The following CAMK4 variants were observed in gnomAD, a reference collection of about 807,000 sequenced individuals.
CAMK4 encodes calcium/calmodulin-dependent protein kinase type IV.
CAMK4 carries 22 observed loss-of-function variants against 44.9 expected under a neutral mutation model. That is an observed-to-expected ratio of 0.49 (90% confidence interval 0.35 to 0.70). CAMK4 has a LOEUF of 0.70. Among genes scored for constraint, CAMK4 ranks in the 30% least tolerant of loss-of-function variants. CAMK4 has a pLI of 0.01. For missense variants in CAMK4, 498 were observed against 586.8 expected, an observed-to-expected ratio of 0.85 and a Z score of 1.56; for synonymous variants, 218 against 215.4, an observed-to-expected ratio of 1.01 and a Z score of -0.11.
At chr5:111,413,408 C>G (rs1039903296) in intron 5 of CAMK4, among the ~76,000 whole-genome samples, 1 of 151,830 alleles carries the variant, frequency 6.6e-6, no homozygotes, top group South Asian at 2.1e-4. Context: ...GAAACCCTGT[C>G]TCTACTAAAA....
At chr5:111,446,838 T>C in intron 6 of CAMK4, 62 bp downstream of exon 6, 1 of 991,010 alleles carries the variant, frequency 1.0e-6, no homozygotes, top group South Asian at 1.3e-5. Context: ...TTTTACTGTG[T>C]GGAATTTTTA....
chr5:111,394,813 T>G, intron 5 of CAMK4, 31 bp downstream of exon 5: 1 of 1,312,142 alleles, frequency 7.6e-7, no homozygotes, highest in Non-Finnish European at 1.1e-6. Flanking sequence ...ATGGTGTAAC[T>G]CTTAGTCATC....
chr5:111,488,994 T>C lies in CAMK4; in HGVS notation c.*4528T>C, dbSNP rs181102149. The C allele has an allele frequency of 6.6e-6, 1 of 152,346 alleles. No individual in the cohort carries two copies. The highest frequency in any genetic ancestry group is 2.4e-5 in the African/African-American group (1 of 41,584). The allele number at this position is 152,346 out of a possible 1,614,324, so 9.4% of individuals were successfully genotyped here. On this transcript the variant is annotated 3_prime_UTR_variant, in exon 11 of 11. Coordinates refer to ENST00000282356, the MANE Select transcript of CAMK4 (RefSeq NM_001744.6). ...ATTAGTCCATATTCTGATTTCCTTA[T>C]GTTCATCACTGATATGTTCCTGATC...
In CAMK4 at chr5:111,337,717, G is replaced by A. The variant is rs1049590724; in HGVS notation, c.162-6307G>A. ...ATGTTATATATTGCTTTTTGAGAAA[G>A]GTCATTGGCACTAGTAAGGTTCTGA... On this transcript the variant is annotated intron_variant, in intron 1 of 10. Coordinates refer to ENST00000282356, the MANE Select transcript of CAMK4 (RefSeq NM_001744.6). Among the ~76,000 whole-genome samples the A allele has an allele frequency of 2.0e-5, 3 of 151,026 alleles. No individual in the cohort carries two copies. The Admixed American group carries it at 2.0e-4, about 10-fold the overall frequency.
At chr5:111,466,951 C>T (rs1257855260) in intron 7 of CAMK4, among the ~76,000 whole-genome samples, 2 of 152,000 alleles carry the variant, frequency 1.3e-5, no homozygotes, top group Admixed American at 1.3e-4. Context: ...ACTGTAAGGC[C>T]TTAGTCACCA....
chr5:111,228,509 G>GGTGT (rs373248608), intron 1 of CAMK4, among the ~76,000 whole-genome samples: 18,901 of 145,190 alleles, frequency 0.13, 1,204 homozygotes, highest in South Asian at 0.19. Context: ...CATAGTAAGG[G>GGTGT]GTGTGTGTGT....
chr5:111,442,541 TATAC>T (rs755648611), intron 5 of CAMK4, among the ~76,000 whole-genome samples: 2,196 of 131,766 alleles, frequency 0.017, 20 homozygotes, highest in Non-Finnish European at 0.027. Flanking sequence ...TATATATATA[TATAC>T]ACACACACAC....
At chr5:111,403,873 A>G (rs1400500866) in intron 5 of CAMK4, among the ~76,000 whole-genome samples, 3 of 152,140 alleles carry the variant, frequency 2.0e-5, no homozygotes, top group Admixed American at 6.5e-5. Flanking sequence ...CCCTCTTTTG[A>G]TTCTCAAGTG....
chr5:111,399,191 G>T (rs1010534281), intron 5 of CAMK4, among the ~76,000 whole-genome samples: 2 of 152,038 alleles, frequency 1.3e-5, no homozygotes, highest in Non-Finnish European at 2.9e-5. Context: ...AGCTACACTG[G>T]CCTTGTTTTC....
chr5:111,467,874 G>A (rs1291980126), intron 7 of CAMK4, among the ~76,000 whole-genome samples: 3 of 149,832 alleles, frequency 2.0e-5, no homozygotes. Flanking sequence ...AGGAAAAGAA[G>A]TCATGTGAAA....
intron 1 of CAMK4, among the ~76,000 whole-genome samples, chr5:111,319,345 G>C (rs988339892): frequency 6.6e-6 from 1 of 152,182 alleles, no homozygotes; most frequent in Non-Finnish European, 1.5e-5. Flanking sequence ...CTTGGATTCA[G>C]TATCAGCTTT....
At chr5:111,298,551 C>T (rs1240731142) in intron 1 of CAMK4, among the ~76,000 whole-genome samples, 2 of 152,142 alleles carry the variant, frequency 1.3e-5, no homozygotes, top group Non-Finnish European at 2.9e-5. Flanking sequence ...GTTCTCCCCA[C>T]GTTGCCCAGA....
At chr5:111,425,863 C>A (rs1281994428) in intron 5 of CAMK4, among the ~76,000 whole-genome samples, 1 of 152,048 alleles carries the variant, frequency 6.6e-6, no homozygotes, top group Non-Finnish European at 1.5e-5. Flanking sequence ...TTATTAATAG[C>A]TTTGAAATGT....
chr5:111,273,508 T>G (rs1750602086), intron 1 of CAMK4, among the ~76,000 whole-genome samples: 1 of 151,094 alleles, frequency 6.6e-6, no homozygotes, highest in Non-Finnish European at 1.5e-5. Context: ...TATTTTTTAG[T>G]CTAATTTTTA....
chr5:111,364,346 C>T (rs1033424951), intron 2 of CAMK4, among the ~76,000 whole-genome samples: 4 of 152,144 alleles, frequency 2.6e-5, no homozygotes, highest in Admixed American at 1.3e-4. Flanking sequence ...CCTGCCTCTG[C>T]TAAGCCCAAC....
intron 7 of CAMK4, among the ~76,000 whole-genome samples, chr5:111,466,855 A>C (rs1260962810): frequency 1.3e-5 from 2 of 152,194 alleles, no homozygotes; most frequent in African/African-American, 2.4e-5. Context: ...TCTAAAATTC[A>C]TATGGAACCA....
intron 1 of CAMK4, among the ~76,000 whole-genome samples, chr5:111,328,023 C>T (rs2112712376): frequency 9.6e-6 from 1 of 104,648 alleles, no homozygotes; most frequent in South Asian, 2.9e-4. Context: ...AATTAGATCC[C>T]ATTTGTCAAT....
At position 111,243,793 on chromosome 5, in the gene CAMK4, C is replaced by T. The variant is rs144343413; in HGVS notation, c.161+19149C>T. On this transcript the variant is annotated intron_variant, in intron 1 of 10. Transcript: ENST00000282356. The stretch of plus-strand genomic sequence containing the variant: ...GGCACTGCTGGGGAATGTCAAGCCT[C>T]GTAATGTAAAAAATACTGAAGATAT... Among the ~76,000 whole-genome samples, 1,497 of 152,230 alleles carry T rather than the reference C, an allele frequency of 9.8e-3. 14 individuals are homozygous for T. Among genetic ancestry groups the T allele is most frequent in the South Asian group, 0.014 (65 of 4,804 alleles).
chr5:111,319,735 C>G (rs1239096153), intron 1 of CAMK4, among the ~76,000 whole-genome samples: 1 of 152,162 alleles, frequency 6.6e-6, no homozygotes, highest in African/African-American at 2.4e-5. Flanking sequence ...GAGACAGCTA[C>G]TGCTACCTTT....
Sources: allele counts gnomAD v4.1 joint callset (sites outside exome capture counted in the v4.1 genomes callset), GRCh38; gene constraint gnomAD v4.1.1; transcripts MANE v1.5; gene names NCBI Gene and HGNC (gene_info 2026-07-23, HGNC 2026-07-21).